Variants in FLOT2 observed in about 807,000 individuals in gnomAD.
FLOT2 encodes flotillin 2.
Under a neutral mutation model 54.9 loss-of-function variants are expected in FLOT2, and 35 were observed. The ratio of observed to expected loss-of-function variants is 0.64; its 90% CI spans 0.49 to 0.84. The LOEUF (loss-of-function observed/expected upper bound fraction) is 0.84, where lower values mean the gene tolerates loss of function less well. Among genes scored for constraint, FLOT2 ranks in the 40% least tolerant of loss-of-function variants. The pLI is 0.00. For synonymous variants in FLOT2, 207 were observed against 228.9 expected (o/e 0.90, Z 0.86); for missense variants, 464 against 572.1 (o/e 0.81, Z 1.93).
chr17:28,889,492 T>C lies in FLOT2; in HGVS notation c.50-466A>G, dbSNP rs117111268. ...TCACAGGTGCCCGCCACAGCATACC[T>C]GGCTAATTTTTGTATTTTTAGTACA... On this transcript the variant is annotated intron_variant, in intron 1 of 10. Coordinates refer to ENST00000394908, the MANE Select transcript of FLOT2 (RefSeq NM_004475.3). Among the ~76,000 whole-genome samples, 197 of 151,872 alleles carry C rather than the reference T, an allele frequency of 1.3e-3. 1 individual carries two copies. The highest frequency in any genetic ancestry group is 3.4e-3 in the Middle Eastern group (1 of 292).
intron 8 of FLOT2, 52 bp downstream of exon 8, chr17:28,881,762 A>T: frequency 6.5e-7 from 1 of 1,531,696 alleles, no homozygotes; most frequent in Non-Finnish European, 9.0e-7. Context: ...GAGTGCACTG[A>T]AGGCAGAGGA....
chr17:28,895,140 T>C (rs988031016), intron 1 of FLOT2, among the ~76,000 whole-genome samples: 1 of 151,964 alleles, frequency 6.6e-6, no homozygotes, highest in Admixed American at 6.6e-5. Context: ...CTCAAACTCC[T>C]GGCCTCGAGT....
Position 28,880,036 on chromosome 17 carries a change from C to G in FLOT2, c.*525G>C, listed in dbSNP as rs2039420704. 2.0e-6 allele frequency: 2 copies of G among 991,654 alleles called. No individual in the cohort carries two copies. Among genetic ancestry groups the G allele is most frequent in the South Asian group, 9.2e-5 (2 of 21,850 alleles). The allele number at this position is 991,654 out of a possible 1,614,324, so 61.4% of individuals were successfully genotyped here. ...TCATGGCTGCCCAGACCTAGAGGGG[C>G]AGCAGCAGGTGAGGCTGTGGGCTTC... On this transcript the variant is annotated 3_prime_UTR_variant, in exon 11 of 11. Coordinates refer to ENST00000394908, the MANE Select transcript of FLOT2 (RefSeq NM_004475.3).
intron 8 of FLOT2, 151 bp downstream of exon 8, chr17:28,881,663 G>A (rs2039449966): frequency 1.4e-6 from 1 of 732,212 alleles, no homozygotes; most frequent in Non-Finnish European, 2.3e-6. Context: ...TCCCACAGGG[G>A]ACATGGGGTT....
rs187973207 is a variant in FLOT2, at chr17:28,880,772, G to A, written c.1189C>T (p.Arg397Ter). 21 of 1,614,204 alleles carry A rather than the reference G, an allele frequency of 1.3e-5. No individual in the cohort carries two copies. Among genetic ancestry groups the A allele is most frequent in the East Asian group, 4.5e-5 (2 of 44,888 alleles). The change falls in exon 10 of 11, where the codon CGA (arginine) becomes TGA (stop). Residue 397 changes from arginine (R) to a stop codon, truncating the protein, a stop_gained. Transcript: ENST00000394908. LOFTEE classifies it high-confidence loss of function. Reference protein sequence around the residue: ...DNSKVTSEVNRLLAELPASVH... With the variant: ...DNSKVTSEVN ...GAGGCAGGCAGCTCGGCCAGCAGTC[G>A]GTTCACTTCTGATGTGACCTTACTG...
In FLOT2 at chr17:28,882,935, C is replaced by T; in HGVS notation, c.346+173G>A. The T allele has an allele frequency of 1.4e-6, 1 of 698,874 alleles. No individual in the cohort carries two copies. The allele number at this position is 698,874 out of a possible 1,614,324, so 43.3% of individuals were successfully genotyped here. A position where few individuals can be genotyped will look rare whatever the true frequency, so the allele number is the denominator to read the frequency against. On this transcript the variant is annotated intron_variant, in intron 4 of 10. Transcript: ENST00000394908. The surrounding 1 kb of genome is among the most constrained non-coding windows in gnomAD (Gnocchi z 5.6). ...ACCGACAGCCCCCATCCCACCCCTT[C>T]ACTCATACCCTCTCCTTAACTCAAG...
chr17:28,879,381 T>C lies in FLOT2; in HGVS notation c.*1180A>G. ...TTATTTTACCAGAAGGGACAGGCAG[T>C]GGGGCAGTGCAACATCCAAGCCCCA... is the stretch of plus-strand genomic sequence containing the variant. On this transcript the variant is annotated 3_prime_UTR_variant, in exon 11 of 11. Transcript: ENST00000394908. 1 of 988,036 alleles carries C rather than the reference T, an allele frequency of 1.0e-6. No homozygotes were observed. The highest frequency in any genetic ancestry group is 1.7e-5 in the African/African-American group (1 of 57,334). 61.2% of individuals were successfully genotyped at this position (988,036 alleles called of 1,614,324 possible).
At chr17:28,888,689 C>T (rs111933843) in intron 2 of FLOT2, among the ~76,000 whole-genome samples, 3 of 152,178 alleles carry the variant, frequency 2.0e-5, no homozygotes, top group South Asian at 2.1e-4. Context: ...AATGCCACCT[C>T]CAGTGGAAAA....
intron 1 of FLOT2, among the ~76,000 whole-genome samples, chr17:28,896,662 T>G: frequency 6.6e-6 from 1 of 152,134 alleles, no homozygotes; most frequent in Non-Finnish European, 1.5e-5. Flanking sequence ...CAGTAACCAG[T>G]TCTACCAAAT....
At chr17:28,896,165 T>C (rs910191115) in intron 1 of FLOT2, among the ~76,000 whole-genome samples, 1 of 152,190 alleles carries the variant, frequency 6.6e-6, no homozygotes, top group Non-Finnish European at 1.5e-5. Context: ...TTGACTTCTG[T>C]TCTGAAGACC....
intron 2 of FLOT2, chr17:28,885,816 GAGA>G (rs1258116046): frequency 2.2e-6 from 3 of 1,345,292 alleles, no homozygotes; most frequent in African/African-American, 2.9e-5. Flanking sequence ...GGCAGGAAGA[GAGA>G]AGGTTAGACA....
Position 28,881,184 on chromosome 17 carries a change from A to C in FLOT2, c.1098+8T>G. ...GAACCCTAGGACCCGCTTGGGTGGA[A>C]GCCTCACCTGGGGCAGGGCCTCTAG... On this transcript the variant is annotated splice_region_variant and intron_variant, in intron 9 of 10. Coordinates refer to ENST00000394908, the MANE Select transcript of FLOT2 (RefSeq NM_004475.3). The C allele has an allele frequency of 6.2e-7, 1 of 1,612,034 alleles. No homozygotes were observed. The highest frequency in any genetic ancestry group is 1.1e-5 in the South Asian group (1 of 90,786).
Position 28,881,346 on chromosome 17 carries a change from T to C in FLOT2, c.944A>G (p.Glu315Gly). 3.1e-6 allele frequency: 5 copies of C among 1,613,174 alleles called. No homozygotes were observed. Among genetic ancestry groups the C allele is most frequent in the Non-Finnish European group, 4.2e-6 (5 of 1,180,030 alleles). Reference sequence around the variant, plus strand: ...CCCGATTTTGCGGATCTTCTCAGCCTCTGCCTGTGCCAAGAGGACCTGCTT... The same window carrying C: ...CCCGATTTTGCGGATCTTCTCAGCCCCTGCCTGTGCCAAGAGGACCTGCTT... ...KVKQVLLAQA[E>G]AEKIRKIGEA... is the part of the protein sequence containing the mutation. The change falls in exon 9 of 11, where the codon GAG becomes GGG. Residue 315 changes from glutamate to glycine, a missense_variant. By Grantham distance (98) the Glu-to-Gly change is moderately conservative. Transcript: ENST00000394908.
chr17:28,887,312 A>G (rs1300075291), intron 2 of FLOT2, among the ~76,000 whole-genome samples: 1 of 152,110 alleles, frequency 6.6e-6, no homozygotes, highest in African/African-American at 2.4e-5. Flanking sequence ...CTGCCAGCCT[A>G]GGGAAATAAA....
intron 2 of FLOT2, among the ~76,000 whole-genome samples, chr17:28,885,106 G>C (rs1400036531): frequency 6.6e-6 from 1 of 152,210 alleles, no homozygotes; most frequent in East Asian, 1.9e-4. Flanking sequence ...TGTGGGTATG[G>C]AAGGAGAGAG....
intron 1 of FLOT2, among the ~76,000 whole-genome samples, chr17:28,891,881 G>A (rs370088165): frequency 1.3e-5 from 2 of 152,204 alleles, no homozygotes; most frequent in African/African-American, 2.4e-5. Flanking sequence ...GGCTTGAAAG[G>A]TTGGAGAGCT....
chr17:28,888,844 T>G (rs2039594961), intron 2 of FLOT2, 101 bp downstream of exon 2: 1 of 614,036 alleles, frequency 1.6e-6, no homozygotes, highest in Non-Finnish European at 2.8e-6. Flanking sequence ...GTGGAAATGG[T>G]AGATGCTCTA....
Position 28,880,153 on chromosome 17 carries a change from A to T in FLOT2, c.*408T>A, listed in dbSNP as rs1420915806. ...CCCCTGCCCATGCTGAGCTCTGGCC[A>T]GGGCCATAGGGAGGATGGACAGATG... On this transcript the variant is annotated 3_prime_UTR_variant, in exon 11 of 11. Coordinates refer to ENST00000394908, the MANE Select transcript of FLOT2 (RefSeq NM_004475.3). 1 of 1,062,140 alleles carries T rather than the reference A, an allele frequency of 9.4e-7. No individual in the cohort carries two copies. The allele number at this position is 1,062,140 out of a possible 1,614,324, so 65.8% of individuals were successfully genotyped here.
intron 1 of FLOT2, among the ~76,000 whole-genome samples, chr17:28,896,903 C>A (rs2039750584): frequency 6.6e-6 from 1 of 152,206 alleles, no homozygotes; most frequent in South Asian, 2.1e-4. Flanking sequence ...CCCCATGCCC[C>A]ACCTAGATAG....
Sources: allele counts gnomAD v4.1 joint callset (sites outside exome capture counted in the v4.1 genomes callset), GRCh38; gene constraint gnomAD v4.1.1; non-coding constraint Gnocchi (gnomAD v3.1); transcripts MANE v1.5; gene names NCBI Gene and HGNC (gene_info 2026-07-23, HGNC 2026-07-21).